The following IMMP2L variants were observed in gnomAD, a reference collection of about 807,000 sequenced individuals.
IMMP2L encodes the protein mitochondrial inner membrane protease subunit 2.
In IMMP2L, 18 loss-of-function variants were observed where a neutral mutation model predicts 19.3. That is an observed-to-expected ratio of 0.93 (90% confidence interval 0.64 to 1.38). The LOEUF (loss-of-function observed/expected upper bound fraction) is 1.38, where lower values mean the gene tolerates loss of function less well. IMMP2L is among the 40% of genes most tolerant of loss of function. The probability of loss-of-function intolerance (pLI) is 0.00; values close to 1 mark genes in which losing one functional copy is unlikely to be tolerated. For synonymous variants in IMMP2L, 76 were observed against 73.0 expected (o/e 1.04, Z -0.21); for missense variants, 233 against 218.2 (o/e 1.07, Z -0.43).
Position 110,757,857 on chromosome 7 carries a change from G to A in IMMP2L, c.409-94136C>T, listed in dbSNP as rs545275961. On this transcript the variant is annotated intron_variant, in intron 5 of 5. Transcript: ENST00000405709. This position sits in a 1 kb window ranked among gnomAD's most constrained non-coding sequence, Gnocchi z 4.2. ...GGAGTAGACTCCTGAAAGTGGGGAG[G>A]GGAAGCCATGCAGCTGTTTGGAGGA... Among the ~76,000 whole-genome samples the A allele has an allele frequency of 6.6e-6, 1 of 152,198 alleles. No individual in the cohort carries two copies. The highest frequency in any genetic ancestry group is 2.1e-4 in the South Asian group (1 of 4,828).
At chr7:110,861,343 A>C (rs1439125065) in intron 5 of IMMP2L, among the ~76,000 whole-genome samples, 2 of 151,932 alleles carry the variant, frequency 1.3e-5, no homozygotes, top group Non-Finnish European at 2.9e-5. Flanking sequence ...CAGTGTTGCA[A>C]TATTGGCTCA....
chr7:111,242,902 T>A (rs1252668541), intron 3 of IMMP2L, among the ~76,000 whole-genome samples: 1 of 152,116 alleles, frequency 6.6e-6, no homozygotes, highest in Non-Finnish European at 1.5e-5. Context: ...TAGAAACAAT[T>A]ATTGTCCAAT....
Position 110,758,155 on chromosome 7 carries a change from T to A in IMMP2L, c.409-94434A>T, listed in dbSNP as rs1178630852. 1.3e-5 allele frequency among the ~76,000 whole-genome samples: 2 copies of A among 151,916 alleles called. No individual in the cohort carries two copies. Among genetic ancestry groups the A allele is most frequent in the Non-Finnish European group, 1.5e-5 (1 of 67,960 alleles). ...AGCTGAAGGTCAAATAAGATGAGGA[T>A]GAAGAATGGATAAGTGAAGTTAGCC... On this transcript the variant is annotated intron_variant, in intron 5 of 5. Transcript: ENST00000405709. This position sits in a 1 kb window ranked among gnomAD's most constrained non-coding sequence, Gnocchi z 4.6.
At chr7:110,698,483 G>T (rs1794035607) in intron 5 of IMMP2L, among the ~76,000 whole-genome samples, 1 of 152,166 alleles carries the variant, frequency 6.6e-6, no homozygotes, top group Non-Finnish European at 1.5e-5. Context: ...ACAGGTGGAT[G>T]GATGAATGGA....
intron 2 of IMMP2L, among the ~76,000 whole-genome samples, chr7:111,502,587 C>A (rs1263770810): frequency 1.3e-5 from 2 of 152,020 alleles, no homozygotes; most frequent in Non-Finnish European, 2.9e-5. Context: ...CACTCCTCAG[C>A]AAATGTAAAA....
intron 4 of IMMP2L, among the ~76,000 whole-genome samples, chr7:110,949,796 AG>A (rs1817609005): frequency 6.6e-6 from 1 of 152,198 alleles, no homozygotes; most frequent in South Asian, 2.1e-4. Flanking sequence ...CGCAATATGC[AG>A]GAAGAAGCAG....
chr7:110,868,720 T>C (rs1808251271), intron 5 of IMMP2L, among the ~76,000 whole-genome samples: 1 of 152,106 alleles, frequency 6.6e-6, no homozygotes, highest in African/African-American at 2.4e-5. Flanking sequence ...TTTAAATGAA[T>C]AATTGCAATG....
At chr7:110,734,401 C>T (rs1796479054) in intron 5 of IMMP2L, among the ~76,000 whole-genome samples, 1 of 152,146 alleles carries the variant, frequency 6.6e-6, no homozygotes, top group Admixed American at 6.5e-5. Flanking sequence ...CAAGTAAGAA[C>T]TTAACAGCAA....
At chr7:111,194,158 T>C (rs1241350665) in intron 3 of IMMP2L, among the ~76,000 whole-genome samples, 1 of 152,178 alleles carries the variant, frequency 6.6e-6, no homozygotes, top group Non-Finnish European at 1.5e-5. Flanking sequence ...ATCTGTCTCC[T>C]GTAGGACTGT....
chr7:110,851,126 T>C (rs1184767937), intron 5 of IMMP2L, among the ~76,000 whole-genome samples: 1 of 152,126 alleles, frequency 6.6e-6, no homozygotes, highest in East Asian at 1.9e-4. Context: ...TGAATGTATA[T>C]AAATTTTATG....
At chr7:110,681,746 T>C (rs1792734912) in intron 5 of IMMP2L, among the ~76,000 whole-genome samples, 1 of 152,054 alleles carries the variant, frequency 6.6e-6, no homozygotes. Context: ...CAGAGGAGGA[T>C]GGTTGTCATA....
chr7:111,438,142 T>C (rs979259886), intron 3 of IMMP2L, among the ~76,000 whole-genome samples: 2 of 151,826 alleles, frequency 1.3e-5, no homozygotes, highest in Non-Finnish European at 2.9e-5. Context: ...GAGTTACCTA[T>C]TAAAGGCCAA....
chr7:110,760,675 T>A lies in IMMP2L; in HGVS notation c.409-96954A>T, dbSNP rs1798299939. Among the ~76,000 whole-genome samples the A allele has an allele frequency of 1.3e-5, 2 of 152,274 alleles. No homozygotes were observed. Among genetic ancestry groups the A allele is most frequent in the South Asian group, 4.1e-4 (2 of 4,828 alleles). On this transcript the variant is annotated intron_variant, in intron 5 of 5. Coordinates refer to ENST00000405709, the MANE Select transcript of IMMP2L (RefSeq NM_032549.4). The surrounding 1 kb of genome is among the most constrained non-coding windows in gnomAD (Gnocchi z 4.2). ...TATCACAGAATTGAATCTTTTTTGG[T>A]CTGTGCTTTCTTTTTGTTCTACAAT...
chr7:111,189,565 A>C (rs1053644798), intron 3 of IMMP2L, among the ~76,000 whole-genome samples: 7 of 152,100 alleles, frequency 4.6e-5, no homozygotes, highest in Non-Finnish European at 1.0e-4. Context: ...GTCCTGAAAA[A>C]AAAAATAAAT....
chr7:110,854,010 T>C (rs568345669), intron 5 of IMMP2L, among the ~76,000 whole-genome samples: 1 of 151,952 alleles, frequency 6.6e-6, no homozygotes, highest in Non-Finnish European at 1.5e-5. Context: ...GTTTAAAGTA[T>C]GGACTAAGAA....
At chr7:111,350,818 G>A (rs1828073352) in intron 3 of IMMP2L, among the ~76,000 whole-genome samples, 1 of 152,078 alleles carries the variant, frequency 6.6e-6, no homozygotes, top group Non-Finnish European at 1.5e-5. Flanking sequence ...TTTTAATTGT[G>A]TTAGAGGCCA....
intron 3 of IMMP2L, among the ~76,000 whole-genome samples, chr7:111,404,505 T>A (rs1039400328): frequency 5.9e-5 from 9 of 152,138 alleles, no homozygotes; most frequent in Admixed American, 6.5e-5. Flanking sequence ...TTTAAATGCT[T>A]TCTGGAACTC....
chr7:111,118,185 A>C (rs2129586478), intron 3 of IMMP2L, among the ~76,000 whole-genome samples: 1 of 152,214 alleles, frequency 6.6e-6, no homozygotes, highest in South Asian at 2.1e-4. Flanking sequence ...TTGATAACTG[A>C]AAACTTGGTG....
intron 3 of IMMP2L, among the ~76,000 whole-genome samples, chr7:111,039,112 C>G (rs751358853): frequency 1.1e-4 from 17 of 152,130 alleles, no homozygotes; most frequent in Non-Finnish European, 2.4e-4. Flanking sequence ...GCTTTGGAGG[C>G]ATAAAGATAG....
Sources: allele counts gnomAD v4.1 joint callset (sites outside exome capture counted in the v4.1 genomes callset), GRCh38; gene constraint gnomAD v4.1.1; non-coding constraint Gnocchi (gnomAD v3.1); transcripts MANE v1.5; gene names NCBI Gene and HGNC (gene_info 2026-07-23, HGNC 2026-07-21).